The following OLFML2A variants were observed in gnomAD, a reference collection of about 807,000 sequenced individuals.
OLFML2A encodes the protein olfactomedin-like protein 2A.
Under a neutral mutation model 60.9 loss-of-function variants are expected in OLFML2A, and 47 were observed. The ratio of observed to expected loss-of-function variants is 0.77; its 90% CI spans 0.61 to 0.98. The LOEUF is 0.98. Ranked by LOEUF, OLFML2A falls within the 50% of genes least tolerant of loss-of-function variation. The pLI is 0.00. For synonymous variants in OLFML2A, 372 were observed against 375.0 expected (o/e 0.99, Z 0.09); for missense variants, 922 against 879.8 (o/e 1.05, Z -0.61).
chr9:124,798,973 C>T (rs960412161), intron 3 of OLFML2A, among the ~76,000 whole-genome samples: 2 of 152,120 alleles, frequency 1.3e-5, no homozygotes, highest in South Asian at 4.1e-4. Flanking sequence ...TACAAGGAAC[C>T]TATAATAACT....
rs114075927 is a variant in OLFML2A, at chr9:124,797,536, G to A, written c.463-1749G>A. ...ATGAGTCACCCAGGGATGACTGGACGTCAATCACTTTTAGGTTATCTTTTC... is the reference window on the plus strand; with the variant it reads ...ATGAGTCACCCAGGGATGACTGGACATCAATCACTTTTAGGTTATCTTTTC... On this transcript the variant is annotated intron_variant, in intron 3 of 7. Transcript: ENST00000373580. Among the ~76,000 whole-genome samples the A allele has an allele frequency of 3.7e-3, 569 of 152,310 alleles. 1 individual carries two copies. The highest frequency in any genetic ancestry group is 0.013 in the African/African-American group (527 of 41,570).
intron 2 of OLFML2A, among the ~76,000 whole-genome samples, chr9:124,788,295 C>A (rs1474304337): frequency 2.3e-4 from 28 of 121,760 alleles, no homozygotes; most frequent in African/African-American, 8.5e-4. Flanking sequence ...GAGCGAGACT[C>A]GGTCTCAAAA....
At chr9:124,782,886 C>T (rs1300966513) in intron 1 of OLFML2A, among the ~76,000 whole-genome samples, 2 of 152,130 alleles carry the variant, frequency 1.3e-5, no homozygotes, top group African/African-American at 4.8e-5. Flanking sequence ...CAGAACACAC[C>T]CACATCTACC....
intron 7 of OLFML2A, among the ~76,000 whole-genome samples, chr9:124,809,268 G>A (rs1360203762): frequency 6.6e-6 from 1 of 152,168 alleles, no homozygotes; most frequent in Non-Finnish European, 1.5e-5. Flanking sequence ...GGGTGGTGGA[G>A]GAAGCCAGTG....
chr9:124,781,902 A>AATCTAAAATACACCTTC (rs1264160147), intron 1 of OLFML2A, among the ~76,000 whole-genome samples: 1 of 152,166 alleles, frequency 6.6e-6, no homozygotes, highest in East Asian at 1.9e-4. Context: ...TCTGCAGAAA[A>AATCTAAAATACACCTTC]ATCTCAAATA....
Position 124,810,491 on chromosome 9 carries a change from C to A in OLFML2A, c.*79C>A, listed in dbSNP as rs1037565208. The A allele has an allele frequency of 2.8e-6, 4 of 1,404,262 alleles. No homozygotes were observed. The highest frequency in any genetic ancestry group is 3.8e-6 in the Non-Finnish European group (4 of 1,053,160). The allele number at this position is 1,404,262 out of a possible 1,614,324, so 87.0% of individuals were successfully genotyped here. On this transcript the variant is annotated 3_prime_UTR_variant, in exon 8 of 8. Coordinates refer to ENST00000373580, the MANE Select transcript of OLFML2A (RefSeq NM_182487.4). Reference sequence around the variant, plus strand: ...AGCAGCTCCTGCAACTGACCCAGTCCGCAAATATTTATTGGGGGCCAGCCC... The same window carrying A: ...AGCAGCTCCTGCAACTGACCCAGTCAGCAAATATTTATTGGGGGCCAGCCC...
intron 6 of OLFML2A, among the ~76,000 whole-genome samples, chr9:124,805,644 A>C (rs902427218): frequency 6.6e-6 from 1 of 152,086 alleles, no homozygotes; most frequent in African/African-American, 2.4e-5. Flanking sequence ...AAAGGATAAA[A>C]GACTACATAC....
intron 1 of OLFML2A, among the ~76,000 whole-genome samples, chr9:124,781,797 A>C (rs1841364689): frequency 6.6e-6 from 1 of 151,982 alleles, no homozygotes; most frequent in Non-Finnish European, 1.5e-5. Flanking sequence ...CCGGCCAAAA[A>C]AAAAAAAAAA....
At chr9:124,803,766 G>A (rs954939907) in intron 5 of OLFML2A, among the ~76,000 whole-genome samples, 7 of 152,248 alleles carry the variant, frequency 4.6e-5, no homozygotes, top group African/African-American at 1.7e-4. Context: ...TATTTGCTGG[G>A]ATCTGTGCAA....
intron 5 of OLFML2A, among the ~76,000 whole-genome samples, chr9:124,802,912 ATTT>A (rs542874521): frequency 2.7e-5 from 4 of 147,506 alleles, no homozygotes; most frequent in Admixed American, 6.8e-5. Context: ...TGGTGTCACA[ATTT>A]TTTTTTTTTT....
intron 6 of OLFML2A, among the ~76,000 whole-genome samples, chr9:124,804,597 G>T (rs1209168386): frequency 6.6e-6 from 1 of 151,620 alleles, no homozygotes; most frequent in African/African-American, 2.4e-5. Context: ...AGTGGCGGGT[G>T]CCTGCAATCC....
chr9:124,784,827 C>A (rs1841426715), intron 1 of OLFML2A, among the ~76,000 whole-genome samples: 1 of 151,278 alleles, frequency 6.6e-6, no homozygotes, highest in South Asian at 2.1e-4. Context: ...TACAGCATTT[C>A]ATATTAATGG....
chr9:124,793,655 GT>G (rs1438446787), intron 2 of OLFML2A, among the ~76,000 whole-genome samples: 2 of 152,322 alleles, frequency 1.3e-5, no homozygotes, highest in African/African-American at 4.8e-5. Context: ...GGTGAAAGTT[GT>G]CCATACCTGG....
At chr9:124,790,930 T>G (rs956493051) in intron 2 of OLFML2A, among the ~76,000 whole-genome samples, 1 of 152,202 alleles carries the variant, frequency 6.6e-6, no homozygotes, top group Admixed American at 6.5e-5. Context: ...CAGCTGTGGT[T>G]TGTCCTCCGC....
intron 1 of OLFML2A, among the ~76,000 whole-genome samples, chr9:124,783,371 C>T (rs1310938641): frequency 6.6e-6 from 1 of 152,150 alleles, no homozygotes; most frequent in Non-Finnish European, 1.5e-5. Flanking sequence ...ACTTGGGAGG[C>T]TGAGGTGGGA....
rs112658590 is a variant in OLFML2A at position 124,797,126 on chromosome 9, C to T, written c.462+1995C>T. Reference sequence around the variant, plus strand: ...TCCCAAGTAGCTGGGACTGCAGGTACACACCACCACACTCAGCTAGTTTTT... The same window carrying T: ...TCCCAAGTAGCTGGGACTGCAGGTATACACCACCACACTCAGCTAGTTTTT... On this transcript the variant is annotated intron_variant, in intron 3 of 7. Transcript: ENST00000373580. 8.2e-3 allele frequency among the ~76,000 whole-genome samples: 1,250 copies of T among 152,262 alleles called. 16 individuals are homozygous for T. The highest frequency in any genetic ancestry group is 0.029 in the African/African-American group (1,194 of 41,552).
intron 6 of OLFML2A, 150 bp from the exon 7 acceptor site, chr9:124,807,631 T>C: frequency 1.6e-6 from 1 of 610,258 alleles, no homozygotes; most frequent in Non-Finnish European, 2.8e-6. Flanking sequence ...CGATCAGGCA[T>C]TGTTTTGATG....
intron 6 of OLFML2A, 123 bp downstream of exon 6, chr9:124,804,465 T>C: frequency 1.0e-6 from 1 of 964,782 alleles, no homozygotes; most frequent in Non-Finnish European, 1.5e-6. Flanking sequence ...AGCTCACACC[T>C]GTAACACCAG....
chr9:124,804,220 A>C lies in OLFML2A; in HGVS notation c.1046A>C (p.Asp349Ala). The change falls in exon 6 of 8, where the codon GAC (aspartate) becomes GCC (alanine). Residue 349 changes from aspartate to alanine, a missense_variant. Physicochemically the swap from Asp to Ala is moderately radical, Grantham distance 126. Transcript: ENST00000373580. The stretch of plus-strand genomic sequence containing the variant: ...GAGCCCAGGTCCTCCGAGCGAGTGG[A>C]CCTGGCTTCTGGCACCCCCACTTCA... ...EAEPRSSERVDLASGTPTSIP... is the reference protein window; with the variant it reads ...EAEPRSSERVALASGTPTSIP... The C allele has an allele frequency of 6.2e-7, 1 of 1,613,904 alleles. No homozygotes were observed. The highest frequency in any genetic ancestry group is 8.5e-7 in the Non-Finnish European group (1 of 1,179,950).
Sources: gnomAD v4.1 joint callset for allele counts (sites outside exome capture counted in the v4.1 genomes callset) on GRCh38, gnomAD v4.1.1 for gene constraint, MANE v1.5 for transcripts, NCBI Gene and HGNC (gene_info 2026-07-23, HGNC 2026-07-21) for gene names.